SLC2A1: variants seen among roughly 807,000 people sequenced by gnomAD.
SLC2A1 encodes solute carrier family 2, facilitated glucose transporter member 1.
A neutral mutation model predicts 46.6 loss-of-function variants in SLC2A1; 4 were observed. The ratio of observed to expected loss-of-function variants is 0.09; its 90% CI spans 0.04 to 0.20. The LOEUF (loss-of-function observed/expected upper bound fraction) is 0.20, where lower values mean the gene tolerates loss of function less well. Among genes scored for constraint, SLC2A1 ranks in the 10% least tolerant of loss-of-function variants. The probability of loss-of-function intolerance (pLI) is 1.00; values close to 1 mark genes in which losing one functional copy is unlikely to be tolerated. For synonymous variants in SLC2A1, 253 were observed against 270.0 expected (o/e 0.94, Z 0.62); for missense variants, 352 against 667.0 (o/e 0.53, Z 5.20).
At chr1:42,946,612 T>TCTGC (rs1643658420) in intron 1 of SLC2A1, among the ~76,000 whole-genome samples, 3 of 151,178 alleles carry the variant, frequency 2.0e-5, no homozygotes, top group Admixed American at 6.6e-5. Context: ...ACACAGAGAG[T>TCTGC]CTGCCAAGTG....
In SLC2A1 at chr1:42,929,500, G is replaced by T. The variant is rs754225297; in HGVS notation, c.867+93C>A. On this transcript the variant is annotated intron_variant, in intron 6 of 9. Coordinates refer to ENST00000426263, the MANE Select transcript of SLC2A1 (RefSeq NM_006516.4). This position sits in a 1 kb window ranked among gnomAD's most constrained non-coding sequence, Gnocchi z 6.0. ...AAAGGGAAACTTCTTCGGCAGAGGC[G>T]TATCTGTTGTTTCAAGTTTGGGACT... 1.5e-6 allele frequency: 2 copies of T among 1,311,154 alleles called. No individual in the cohort carries two copies. Among genetic ancestry groups the T allele is most frequent in the Non-Finnish European group, 2.2e-6 (2 of 910,012 alleles). The allele number at this position is 1,311,154 out of a possible 1,614,324, so 81.2% of individuals were successfully genotyped here.
In SLC2A1 at chr1:42,930,938, A is replaced by C; in HGVS notation, c.276-72T>G. ...TCCGAGGGGCTGGGTCAGAGGTAAT[A>C]CCCTGGAACAGGCAGATAAGTCTCC... On this transcript the variant is annotated intron_variant, in intron 3 of 9. Coordinates refer to ENST00000426263, the MANE Select transcript of SLC2A1 (RefSeq NM_006516.4). This position sits in a 1 kb window ranked among gnomAD's most constrained non-coding sequence, Gnocchi z 6.2. 1.9e-6 allele frequency: 3 copies of C among 1,605,942 alleles called. No individual in the cohort carries two copies. In the South Asian group the frequency reaches 3.3e-5, roughly 18 times the overall value.
chr1:42,938,005 G>A (rs1572849), intron 2 of SLC2A1, among the ~76,000 whole-genome samples: 8,685 of 152,186 alleles, frequency 0.057, 847 homozygotes, highest in African/African-American at 0.2. Context: ...AACAACTGAG[G>A]CCTTTCTGGC....
At chr1:42,934,905 T>C (rs1443314953) in intron 2 of SLC2A1, among the ~76,000 whole-genome samples, 1 of 152,164 alleles carries the variant, frequency 6.6e-6, no homozygotes, top group Non-Finnish European at 1.5e-5. Context: ...TCATCTGGAT[T>C]CTGCTCCCGA....
intron 1 of SLC2A1, 117 bp from the exon 2 acceptor site, chr1:42,943,438 C>T (rs1408203839): frequency 3.8e-6 from 3 of 799,726 alleles, no homozygotes; most frequent in Non-Finnish European, 6.4e-6. Context: ...TGGCACCACA[C>T]CAGTCTTTCT....
At position 42,927,071 on chromosome 1, in the gene SLC2A1, G is replaced by A; in HGVS notation, c.1449C>T (p.Phe483=). The change falls in exon 10 of 10, where the codon TTC becomes TTT. Residue 483 remains phenylalanine, a synonymous_variant. Coordinates refer to ENST00000426263, the MANE Select transcript of SLC2A1 (RefSeq NM_006516.4). The surrounding 1 kb of genome is among the most constrained non-coding windows in gnomAD (Gnocchi z 5.3). ...CTTGGGAATCAGCCCCCAGGGGATG[G>A]AACAGCTCCTCGGGTGTCTTGTCAC... The part of the protein sequence containing the change: ...SQSDKTPEEL[F]HPLGADSQV 6.2e-7 allele frequency: 1 copy of A among 1,614,190 alleles called. No homozygotes were observed. The highest frequency in any genetic ancestry group is 8.5e-7 in the Non-Finnish European group (1 of 1,180,024).
In SLC2A1 at chr1:42,929,584, G is replaced by A; in HGVS notation, c.867+9C>T. On this transcript the variant is annotated intron_variant, in intron 6 of 9. Transcript: ENST00000426263. This position sits in a 1 kb window ranked among gnomAD's most constrained non-coding sequence, Gnocchi z 6.0. Reference sequence around the variant, plus strand: ...CTGGGGCACAGGAAGGGTGGGTGGGGGCACTCACAGCGTTGATGCCAGACA... The same window carrying A: ...CTGGGGCACAGGAAGGGTGGGTGGGAGCACTCACAGCGTTGATGCCAGACA... 1 of 1,609,582 alleles carries A rather than the reference G, an allele frequency of 6.2e-7. No homozygotes were observed. Among genetic ancestry groups the A allele is most frequent in the South Asian group, 1.1e-5 (1 of 90,764 alleles).
chr1:42,929,752 G>A lies in SLC2A1; in HGVS notation c.708C>T (p.Asp236=), dbSNP rs566497194. The change falls in exon 6 of 10, where the codon GAC becomes GAT. Residue 236 remains aspartate (D), a synonymous_variant. Transcript: ENST00000426263. The surrounding 1 kb of genome is among the most constrained non-coding windows in gnomAD (Gnocchi z 6.0). ...TCATCTCCTGCAGGTCATGGGTCAC[G>A]TCAGCTGTCCCGCGCAGCTTCTTTA... ...SVLKKLRGTA[D]VTHDLQEMKE... 7.2e-5 allele frequency: 116 copies of A among 1,614,174 alleles called. No homozygotes were observed. The highest frequency in any genetic ancestry group is 7.1e-4 in the South Asian group (65 of 91,082).
Position 42,930,999 on chromosome 1 carries a change from G to A in SLC2A1, c.275+47C>T. The A allele has an allele frequency of 6.2e-7, 1 of 1,612,754 alleles. No individual in the cohort carries two copies. The highest frequency in any genetic ancestry group is 8.5e-7 in the Non-Finnish European group (1 of 1,179,440). ...ACCCCATCTGGGACTCCCTGGGCAG[G>A]AGGGCATGGGCCCTCCAAGGGCAGT... is the stretch of plus-strand genomic sequence containing the variant. On this transcript the variant is annotated intron_variant, in intron 3 of 9. Transcript: ENST00000426263. This position sits in a 1 kb window ranked among gnomAD's most constrained non-coding sequence, Gnocchi z 6.2.
At chr1:42,949,618 C>T (rs1643699527) in intron 1 of SLC2A1, among the ~76,000 whole-genome samples, 1 of 152,198 alleles carries the variant, frequency 6.6e-6, no homozygotes, top group Non-Finnish European at 1.5e-5. Flanking sequence ...GCCCTCGAGG[C>T]AGAAGGCACT....
At chr1:42,928,411 C>T (rs1292478981) in intron 8 of SLC2A1, among the ~76,000 whole-genome samples, 5 of 152,140 alleles carry the variant, frequency 3.3e-5, no homozygotes, top group African/African-American at 9.7e-5. Context: ...GTTAGCACAG[C>T]GGTCACAGTC....
At chr1:42,952,668 C>T (rs1643734298) in intron 1 of SLC2A1, 1 of 218,338 alleles carries the variant, frequency 4.6e-6, no homozygotes, top group Non-Finnish European at 9.6e-6. Flanking sequence ...AGGGCCACAC[C>T]CAAGTTATCA....
chr1:42,940,011 C>T (rs1043075287), intron 2 of SLC2A1, among the ~76,000 whole-genome samples: 8 of 151,174 alleles, frequency 5.3e-5, no homozygotes, highest in Non-Finnish European at 1.0e-4. Context: ...CAGCCCCTCC[C>T]TTCTGCTCCG....
chr1:42,946,480 C>T (rs1643656976), intron 1 of SLC2A1, among the ~76,000 whole-genome samples: 1 of 152,100 alleles, frequency 6.6e-6, no homozygotes, highest in African/African-American at 2.4e-5. Context: ...GTGGTCTGGG[C>T]TTCAACAGGG....
In SLC2A1 at chr1:42,926,759, C is replaced by A; in HGVS notation, c.*282G>T. ...CAGGGTGAAGCCTGGGATGTGGGCACAGGAGACTCAGGCTGATATAAAAAT... is the reference window on the plus strand; with the variant it reads ...CAGGGTGAAGCCTGGGATGTGGGCAAAGGAGACTCAGGCTGATATAAAAAT... On this transcript the variant is annotated 3_prime_UTR_variant, in exon 10 of 10. Transcript: ENST00000426263. 7.1e-7 allele frequency: 1 copy of A among 1,415,396 alleles called. No individual in the cohort carries two copies. The allele number at this position is 1,415,396 out of a possible 1,614,324, so 87.7% of individuals were successfully genotyped here.
chr1:42,948,386 A>T (rs1643680483), intron 1 of SLC2A1, among the ~76,000 whole-genome samples: 1 of 152,160 alleles, frequency 6.6e-6, no homozygotes, highest in South Asian at 2.1e-4. Context: ...ACTCAGAGGC[A>T]GGGTATTCCT....
chr1:42,941,109 TTGA>T (rs1363334300), intron 2 of SLC2A1, among the ~76,000 whole-genome samples: 5 of 152,234 alleles, frequency 3.3e-5, no homozygotes, highest in African/African-American at 9.6e-5. Flanking sequence ...GGCAACTTTC[TTGA>T]TGGTTTCCCG....
At chr1:42,956,419 A>C (rs1481979702) in intron 1 of SLC2A1, among the ~76,000 whole-genome samples, 3 of 130,426 alleles carry the variant, frequency 2.3e-5, no homozygotes, top group Non-Finnish European at 5.0e-5. Context: ...AAAAAAAAAA[A>C]AAAAAAAAAA....
At chr1:42,952,460 G>T in intron 1 of SLC2A1, 1 of 461,664 alleles carries the variant, frequency 2.2e-6, no homozygotes, top group South Asian at 1.5e-5. Flanking sequence ...AGATGGTGAT[G>T]ATGCCAGCCA....
Sources: gnomAD v4.1 joint callset for allele counts (sites outside exome capture counted in the v4.1 genomes callset) on GRCh38, gnomAD v4.1.1 for gene constraint, Gnocchi (gnomAD v3.1) non-coding constraint, MANE v1.5 for transcripts, NCBI Gene and HGNC (gene_info 2026-07-23, HGNC 2026-07-21) for gene names.